PRKCQ: variants seen among roughly 807,000 people sequenced by gnomAD.
PRKCQ encodes the protein protein kinase C theta type.
A neutral mutation model predicts 91.2 loss-of-function variants in PRKCQ; 41 were observed. That is an observed-to-expected ratio of 0.45 (90% confidence interval 0.35 to 0.58). The LOEUF (loss-of-function observed/expected upper bound fraction) is 0.58, where lower values mean the gene tolerates loss of function less well. Among genes scored for constraint, PRKCQ ranks in the 20% least tolerant of loss-of-function variants. The pLI, the probability that PRKCQ is intolerant of heterozygous loss-of-function variation, is 0.00. For synonymous variants in PRKCQ, 307 were observed against 316.9 expected (o/e 0.97, Z 0.33); for missense variants, 673 against 896.5 (o/e 0.75, Z 3.18).
intron 4 of PRKCQ, among the ~76,000 whole-genome samples, chr10:6,502,608 T>A (rs998841840): frequency 8.5e-5 from 13 of 152,130 alleles, no homozygotes; most frequent in African/African-American, 3.1e-4. Flanking sequence ...ATGGTCAGAT[T>A]TGAGCTTGGC....
intron 12 of PRKCQ, among the ~76,000 whole-genome samples, chr10:6,467,296 T>TGAGAGAGAGAGA (rs35362449): frequency 1.8e-5 from 2 of 111,858 alleles, no homozygotes; most frequent in African/African-American, 6.2e-5. Context: ...CCAAGCAGGC[T>TGAGAGAGAGAGA]GAGAGAGAGA....
intron 1 of PRKCQ, among the ~76,000 whole-genome samples, chr10:6,561,169 G>T (rs1308802076): frequency 2.0e-5 from 3 of 151,852 alleles, no homozygotes; most frequent in Non-Finnish European, 4.4e-5. Context: ...CCAAGGGTTT[G>T]AGGCTAGCCT....
chr10:6,487,769 G>A (rs193160827), intron 8 of PRKCQ, among the ~76,000 whole-genome samples: 6 of 152,054 alleles, frequency 3.9e-5, no homozygotes, highest in Middle Eastern at 3.4e-3. Context: ...AGGCCGAGGC[G>A]GGCAGATCAC....
At chr10:6,403,719 T>C in the PRKCQ span, among the ~76,000 whole-genome samples, 1 of 152,188 alleles carries the variant, frequency 6.6e-6, no homozygotes, top group African/African-American at 2.4e-5. Context: ...TGTTTATCTC[T>C]CCTATTGAAA....
Position 6,543,634 on chromosome 10 carries a change from C to T in PRKCQ, c.-9-28490G>A, listed in dbSNP as rs118191164. On this transcript the variant is annotated intron_variant, in intron 1 of 17. Transcript: ENST00000263125. ...CACCTCCAGATGCTGAAACACTGTC[C>T]TCGATGATCAAACACACAACCCAAC... 4.1e-3 allele frequency among the ~76,000 whole-genome samples: 631 copies of T among 152,266 alleles called. 4 individuals carry two copies. The highest frequency in any genetic ancestry group is 0.011 in the Admixed American group (166 of 15,290).
intron 1 of PRKCQ, among the ~76,000 whole-genome samples, chr10:6,527,631 T>C (rs2130892857): frequency 6.6e-6 from 1 of 152,288 alleles, no homozygotes; most frequent in South Asian, 2.1e-4. Flanking sequence ...GGAAGCCAAG[T>C]CCTGCCACCG....
chr10:6,553,501 A>AT (rs1395281708), intron 1 of PRKCQ, among the ~76,000 whole-genome samples: 2 of 92,578 alleles, frequency 2.2e-5, no homozygotes, highest in African/African-American at 6.3e-5. Flanking sequence ...AAAAAAAAAA[A>AT]AAAAAAAAAA....
At chr10:6,485,432 G>A (rs576161098) in intron 9 of PRKCQ, among the ~76,000 whole-genome samples, 163 bp from the exon 10 acceptor site, 2 of 152,312 alleles carry the variant, frequency 1.3e-5, no homozygotes, top group East Asian at 3.9e-4. Context: ...TATTCTGGGA[G>A]AGTCTATCTA....
Position 6,427,882 on chromosome 10 carries a change from A to C in PRKCQ, c.*325T>G. 1 of 278,930 alleles carries C rather than the reference A, an allele frequency of 3.6e-6. No individual in the cohort carries two copies. Among genetic ancestry groups the C allele is most frequent in the Non-Finnish European group, 6.9e-6 (1 of 144,958 alleles). The allele number at this position is 278,930 out of a possible 1,614,324, so 17.3% of individuals were successfully genotyped here. On this transcript the variant is annotated 3_prime_UTR_variant, in exon 18 of 18. Coordinates refer to ENST00000263125, the MANE Select transcript of PRKCQ (RefSeq NM_006257.5). ...TGATCAGCAGTTGGCGCCCAGGTGA[A>C]GAGCCATAATTTATTGCAGTATCAA...
In PRKCQ at chr10:6,479,173, G is replaced by A. The variant is rs747527771; in HGVS notation, c.1180-8C>T. 1 of 1,613,116 alleles carries A rather than the reference G, an allele frequency of 6.2e-7. No homozygotes were observed. The highest frequency in any genetic ancestry group is 8.5e-7 in the Non-Finnish European group (1 of 1,179,390). On this transcript the variant is annotated splice_region_variant and splice_polypyrimidine_tract_variant and intron_variant, in intron 11 of 17. Transcript: ENST00000263125. ...GAATTCTGCCAGGAAGACCTAGAAG[G>A]AGAGGGAAGAAGTAACTTTATTTTA...
At chr10:6,512,657 G>A (rs1214252058) in intron 2 of PRKCQ, among the ~76,000 whole-genome samples, 1 of 152,180 alleles carries the variant, frequency 6.6e-6, no homozygotes, top group East Asian at 1.9e-4. Flanking sequence ...CTTAAAGCCA[G>A]GAAATAAAGC....
At chr10:6,460,001 G>T (rs1835236194) in intron 14 of PRKCQ, among the ~76,000 whole-genome samples, 1 of 152,202 alleles carries the variant, frequency 6.6e-6, no homozygotes, top group Non-Finnish European at 1.5e-5. Flanking sequence ...ATTACACACA[G>T]ACAGTTGAAT....
rs369575626 is a variant in PRKCQ at position 6,554,289 on chromosome 10, GAA to G, written c.-10+25920_-10+25921del. The stretch of plus-strand genomic sequence containing the variant: ...AAGGAACTGCAACTCCGAAGAGAGA[GAA>G]CTCTCCAGCAGTAGTTTCAGGAGAA... On this transcript the variant is annotated intron_variant, in intron 1 of 17. Coordinates refer to ENST00000263125, the MANE Select transcript of PRKCQ (RefSeq NM_006257.5). Among the ~76,000 whole-genome samples, 21 of 152,340 alleles carry G rather than the reference GAA, an allele frequency of 1.4e-4. No homozygotes were observed. In the East Asian group the frequency reaches 3.3e-3, roughly 24 times the overall value.
chr10:6,458,252 TC>T (rs1835130430), intron 14 of PRKCQ, among the ~76,000 whole-genome samples: 1 of 151,960 alleles, frequency 6.6e-6, no homozygotes, highest in Non-Finnish European at 1.5e-5. Flanking sequence ...GGGATCTAGG[TC>T]AATATGGGAA....
the PRKCQ span, among the ~76,000 whole-genome samples, chr10:6,395,589 T>C: frequency 6.6e-6 from 1 of 152,172 alleles, no homozygotes; most frequent in African/African-American, 2.4e-5. Context: ...ATTTCTAATC[T>C]TGTGGCTAAT....
chr10:6,486,232 G>T, intron 8 of PRKCQ, 88 bp from the exon 9 acceptor site: 3 of 1,096,242 alleles, frequency 2.7e-6, no homozygotes, highest in Middle Eastern at 2.0e-4. Flanking sequence ...AGAGCCTTGC[G>T]GATAGGGAGG....
rs769348033 is a variant in PRKCQ, at chr10:6,442,080, A to T, written c.1649T>A (p.Ile550Asn). 6.2e-7 allele frequency: 1 copy of T among 1,609,686 alleles called. No individual in the cohort carries two copies. Among genetic ancestry groups the T allele is most frequent in the African/African-American group, 1.3e-5 (1 of 74,870 alleles). Residue 550 changes from isoleucine to asparagine, a missense_variant and splice_region_variant, in exon 16 of 18, where the codon ATC becomes AAC. Ile to Asn is a moderately radical substitution (Grantham distance 149, BLOSUM62 -3). Coordinates refer to ENST00000263125, the MANE Select transcript of PRKCQ (RefSeq NM_006257.5). Reference sequence around the variant, plus strand: ...GTGGTTGTATTTCTGACCCAGCAAGATCTGCACAACCAAAAGGCAGACAGG... The same window carrying T: ...GTGGTTGTATTTCTGACCCAGCAAGTTCTGCACAACCAAAAGGCAGACAGG... ...CGTPDYIAPEILLGQKYNHSV... is the reference protein window; with the variant it reads ...CGTPDYIAPENLLGQKYNHSV...
intron 2 of PRKCQ, 98 bp from the exon 3 acceptor site, chr10:6,511,292 G>A: frequency 8.7e-7 from 1 of 1,154,028 alleles, no homozygotes; most frequent in South Asian, 1.4e-5. Context: ...CTGTTCTCTG[G>A]GATATAGAAT....
chr10:6,488,327 CTCT>C (rs150204100), intron 8 of PRKCQ, among the ~76,000 whole-genome samples: 2,148 of 152,128 alleles, frequency 0.014, 49 homozygotes, highest in African/African-American at 0.04. Context: ...CACTGGTCCA[CTCT>C]TCTTCAAATA....
Sources: gnomAD v4.1 joint callset for allele counts (sites outside exome capture counted in the v4.1 genomes callset) on GRCh38, gnomAD v4.1.1 for gene constraint, MANE v1.5 for transcripts, NCBI Gene and HGNC (gene_info 2026-07-23, HGNC 2026-07-21) for gene names.